Variants in FRY observed in about 807,000 individuals in gnomAD.
FRY encodes the protein FRY microtubule binding protein, also known as protein furry homolog.
FRY carries 128 observed loss-of-function variants against 348.4 expected under a neutral mutation model. The ratio of observed to expected loss-of-function variants is 0.37; its 90% CI spans 0.32 to 0.43. The LOEUF is 0.43. Ranked by LOEUF, FRY falls within the 20% of genes least tolerant of loss-of-function variation. The pLI is 1.00. For synonymous variants in FRY, 1,370 were observed against 1,374.7 expected, an observed-to-expected ratio of 1.00 and a Z score of 0.08; for missense variants, 2,736 against 3,695.2, an observed-to-expected ratio of 0.74 and a Z score of 6.73.
chr13:32,205,732 C>T (rs977886420), intron 31 of FRY, among the ~76,000 whole-genome samples: 2 of 151,836 alleles, frequency 1.3e-5, no homozygotes, highest in Admixed American at 6.6e-5. Flanking sequence ...GAGTTGCAAA[C>T]GAGAAGAGGG....
intron 2 of FRY, among the ~76,000 whole-genome samples, chr13:32,089,750 G>A (rs1273198336): frequency 6.6e-6 from 1 of 151,026 alleles, no homozygotes; most frequent in African/African-American, 2.5e-5. Context: ...GACAGAGTGA[G>A]ACCTTGTCTC....
intron 46 of FRY, among the ~76,000 whole-genome samples, chr13:32,242,582 T>A (rs546479540): frequency 9.8e-5 from 15 of 152,314 alleles, no homozygotes; most frequent in African/African-American, 3.6e-4. Context: ...TCACCTAGGC[T>A]GGAGTGCAGC....
At chr13:32,145,586 G>A (rs944864532) in intron 11 of FRY, among the ~76,000 whole-genome samples, 7 of 137,442 alleles carry the variant, frequency 5.1e-5, no homozygotes, top group East Asian at 2.3e-4. Flanking sequence ...CGCCCAGGCC[G>A]GACTGCGGAC....
In FRY at chr13:32,185,164, A is replaced by T. The variant is rs1457240054; in HGVS notation, c.3319+16A>T. 1 of 1,610,114 alleles carries T rather than the reference A, an allele frequency of 6.2e-7. No homozygotes were observed. Among genetic ancestry groups the T allele is most frequent in the African/African-American group, 1.3e-5 (1 of 74,874 alleles). On this transcript the variant is annotated intron_variant, in intron 26 of 60. Transcript: ENST00000542859. ...TGTGTTCCAGGTACGGTGATCCGTTACAAGAAATTACCATTCATGCTTGGA... is the reference window on the plus strand; with the variant it reads ...TGTGTTCCAGGTACGGTGATCCGTTTCAAGAAATTACCATTCATGCTTGGA...
At chr13:32,155,766 G>A in intron 15 of FRY, 104 bp downstream of exon 15, 1 of 729,442 alleles carries the variant, frequency 1.4e-6, no homozygotes, top group Non-Finnish European at 2.2e-6. Flanking sequence ...CTTTATAGAA[G>A]TAGATGATAA....
chr13:32,202,091 T>C (rs1884062744), intron 30 of FRY, 51 bp downstream of exon 30: 3 of 1,079,690 alleles, frequency 2.8e-6, no homozygotes, highest in East Asian at 2.4e-5. Flanking sequence ...GTACAGAAAA[T>C]AGAAATGGTA....
chr13:32,164,509 C>T (rs1881619950), intron 17 of FRY, among the ~76,000 whole-genome samples: 1 of 152,162 alleles, frequency 6.6e-6, no homozygotes, highest in Non-Finnish European at 1.5e-5. Flanking sequence ...ACACCTCAGA[C>T]ACATATTAGT....
chr13:32,129,730 A>T (rs1327791503), intron 7 of FRY, among the ~76,000 whole-genome samples: 1 of 152,172 alleles, frequency 6.6e-6, no homozygotes, highest in Non-Finnish European at 1.5e-5. Context: ...ATTGCCTTTT[A>T]AAAATCTTTT....
intron 1 of FRY, among the ~76,000 whole-genome samples, chr13:32,042,040 GCTT>G (rs1157628782): frequency 1.3e-5 from 2 of 152,164 alleles, no homozygotes; most frequent in Non-Finnish European, 2.9e-5. Context: ...TTTTATCTTA[GCTT>G]CTTTTCCTTT....
chr13:32,073,276 G>A (rs746282538), intron 1 of FRY, among the ~76,000 whole-genome samples: 4 of 152,136 alleles, frequency 2.6e-5, no homozygotes, highest in Admixed American at 6.6e-5. Context: ...CATCTCCACC[G>A]GAATTGGCAC....
At chr13:32,197,072 T>C (rs1278275138) in intron 29 of FRY, among the ~76,000 whole-genome samples, 1 of 152,216 alleles carries the variant, frequency 6.6e-6, no homozygotes, top group Non-Finnish European at 1.5e-5. Flanking sequence ...TTTAATTAAA[T>C]ACTTAAGAAT....
chr13:32,204,812 T>G (rs2762038), intron 31 of FRY, among the ~76,000 whole-genome samples: 61,508 of 151,756 alleles, frequency 0.41, 12,595 homozygotes, highest in Admixed American at 0.42. Flanking sequence ...CAAGATTTGT[T>G]TGCTGCCTAC....
intron 29 of FRY, among the ~76,000 whole-genome samples, chr13:32,200,796 C>A (rs55896629): frequency 0.046 from 6,947 of 152,256 alleles, 348 homozygotes; most frequent in East Asian, 0.28. Context: ...TCCTCTCCCC[C>A]CATCCCACAC....
chr13:32,080,941 C>G (rs1225545144), intron 2 of FRY, among the ~76,000 whole-genome samples: 1 of 152,142 alleles, frequency 6.6e-6, no homozygotes, highest in Admixed American at 6.5e-5. Context: ...GTCCTGACAC[C>G]TTTTCAACCA....
intron 7 of FRY, among the ~76,000 whole-genome samples, chr13:32,126,103 C>T (rs1415060090): frequency 6.6e-6 from 1 of 152,090 alleles, no homozygotes; most frequent in Admixed American, 6.6e-5. Flanking sequence ...GTAATGAAAG[C>T]ATTAGCATTT....
chr13:32,226,281 A>G (rs1343500742), intron 39 of FRY, among the ~76,000 whole-genome samples: 3 of 152,224 alleles, frequency 2.0e-5, no homozygotes, highest in Non-Finnish European at 4.4e-5. Flanking sequence ...GCAGCAGTCT[A>G]GAACACCGAA....
intron 7 of FRY, among the ~76,000 whole-genome samples, chr13:32,125,343 T>A (rs1431268414): frequency 6.6e-6 from 1 of 152,238 alleles, no homozygotes; most frequent in African/African-American, 2.4e-5. Flanking sequence ...GGGGAAATTC[T>A]CATTGCTAAA....
chr13:32,134,806 GATTGA>G, intron 8 of FRY, 93 bp from the exon 9 acceptor site: 1 of 803,682 alleles, frequency 1.2e-6, no homozygotes, highest in Non-Finnish European at 2.3e-6. Context: ...GTTGATACAT[GATTGA>G]ATTAAGAGCT....
At chr13:32,178,718 T>C in intron 21 of FRY, 126 bp from the exon 22 acceptor site, 1 of 752,254 alleles carries the variant, frequency 1.3e-6, no homozygotes, top group Non-Finnish European at 2.3e-6. Flanking sequence ...CAGATACTCT[T>C]TGAATAACAT....
Sources: allele counts gnomAD v4.1 joint callset (sites outside exome capture counted in the v4.1 genomes callset), GRCh38; gene constraint gnomAD v4.1.1; transcripts MANE v1.5; gene names NCBI Gene and HGNC (gene_info 2026-07-23, HGNC 2026-07-21).